The following RSPO2 variants were observed in gnomAD, a reference collection of about 807,000 sequenced individuals.
The protein encoded by RSPO2 is R-spondin 2.
Under a neutral mutation model 30.9 loss-of-function variants are expected in RSPO2, and 14 were observed. The observed-to-expected ratio is 0.45, with a 90% CI of 0.30 to 0.71. RSPO2 has a LOEUF of 0.71. RSPO2 is among the 30% of genes least tolerant of loss of function. The pLI, the probability that RSPO2 is intolerant of heterozygous loss-of-function variation, is 0.08. For synonymous variants in RSPO2, 107 were observed against 96.4 expected (o/e 1.11, Z -0.64); for missense variants, 264 against 301.9 (o/e 0.87, Z 0.93).
In RSPO2 at chr8:107,989,398, T is replaced by G. The variant is rs3739243; in HGVS notation, c.95-154A>C. The G allele has an allele frequency of 0.23, 126,409 of 546,264 alleles. 15,444 individuals are homozygous for G. Among genetic ancestry groups the G allele is most frequent in the African/African-American group, 0.29 (14,563 of 50,268 alleles). 33.8% of individuals were successfully genotyped at this position (546,264 alleles called of 1,614,324 possible). A position where few individuals can be genotyped will look rare whatever the true frequency, so the allele number is the denominator to read the frequency against. ...CCCTCCCCTTCTTCCCTCTACCTCCTCCACCCAAAAAGTTGTTAATACACA... is the reference window on the plus strand; with the variant it reads ...CCCTCCCCTTCTTCCCTCTACCTCCGCCACCCAAAAAGTTGTTAATACACA... On this transcript the variant is annotated intron_variant, in intron 2 of 5. Transcript: ENST00000276659.
intron 2 of RSPO2, among the ~76,000 whole-genome samples, chr8:108,031,640 T>C (rs1461882592): frequency 2.0e-5 from 3 of 152,044 alleles, no homozygotes; most frequent in Non-Finnish European, 2.9e-5. Flanking sequence ...CAACCAAAAA[T>C]GAATAGATTA....
At chr8:107,983,061 C>T in intron 3 of RSPO2, 1 of 1,244,874 alleles carries the variant, frequency 8.0e-7, no homozygotes, top group African/African-American at 1.5e-5. Flanking sequence ...CAGTCCCCTC[C>T]ATGTTCCCTG....
intron 5 of RSPO2, among the ~76,000 whole-genome samples, chr8:107,924,822 GCACACACACA>G (rs59249399): frequency 8.8e-5 from 13 of 148,402 alleles, no homozygotes; most frequent in Admixed American, 3.4e-4. Flanking sequence ...CACCTAACAT[GCACACACACA>G]CACACACACA....
At chr8:108,046,122 G>T (rs1260226404) in intron 2 of RSPO2, among the ~76,000 whole-genome samples, 1 of 152,146 alleles carries the variant, frequency 6.6e-6, no homozygotes. Context: ...CTTGAATAAG[G>T]CTTGCCCGCA....
At chr8:108,060,659 A>G (rs889372725) in intron 2 of RSPO2, among the ~76,000 whole-genome samples, 2 of 151,848 alleles carry the variant, frequency 1.3e-5, no homozygotes, top group South Asian at 2.1e-4. Flanking sequence ...GCAGGCCAAC[A>G]TTCAAATTCA....
intron 2 of RSPO2, among the ~76,000 whole-genome samples, chr8:108,057,008 G>T (rs935047097): frequency 1.8e-4 from 21 of 114,702 alleles, no homozygotes; most frequent in Non-Finnish European, 3.1e-4. Flanking sequence ...AGTGAGTCGA[G>T]ATCACACCAC....
At chr8:107,915,395 G>A (rs760468162) in intron 5 of RSPO2, among the ~76,000 whole-genome samples, 25 of 152,104 alleles carry the variant, frequency 1.6e-4, no homozygotes, top group Non-Finnish European at 1.8e-4. Flanking sequence ...CCGTGGTGGG[G>A]TGTCTGTCTT....
intron 2 of RSPO2, among the ~76,000 whole-genome samples, chr8:108,045,439 A>G (rs2130666121): frequency 6.6e-6 from 1 of 152,260 alleles, no homozygotes; most frequent in East Asian, 1.9e-4. Flanking sequence ...AAGAAATAAC[A>G]TTAATGTTTT....
At chr8:107,916,241 T>C (rs2348087) in intron 5 of RSPO2, among the ~76,000 whole-genome samples, 14,703 of 152,242 alleles carry the variant, frequency 0.097, 833 homozygotes, top group East Asian at 0.18. Flanking sequence ...ATTTGCTAAA[T>C]GCTTTGTCAT....
chr8:107,948,391 A>G (rs775357437), intron 5 of RSPO2, among the ~76,000 whole-genome samples: 1 of 152,192 alleles, frequency 6.6e-6, no homozygotes, highest in Non-Finnish European at 1.5e-5. Flanking sequence ...CCTGTAACAT[A>G]TTTTTTAAAA....
At chr8:107,939,584 G>A (rs1812827904) in intron 5 of RSPO2, among the ~76,000 whole-genome samples, 11 of 150,904 alleles carry the variant, frequency 7.3e-5, no homozygotes, top group Admixed American at 7.3e-4. Context: ...CAAGAGCACA[G>A]CTCGAATTGC....
chr8:108,001,177 G>C (rs998017632), intron 2 of RSPO2, among the ~76,000 whole-genome samples: 1 of 152,136 alleles, frequency 6.6e-6, no homozygotes, highest in Non-Finnish European at 1.5e-5. Context: ...GGGCGACAGA[G>C]CGAGACTCCG....
intron 2 of RSPO2, among the ~76,000 whole-genome samples, chr8:108,077,909 C>A (rs1287723631): frequency 6.6e-6 from 1 of 152,128 alleles, no homozygotes; most frequent in Non-Finnish European, 1.5e-5. Context: ...AGTTATCAAG[C>A]TTATATCAAA....
intron 3 of RSPO2, among the ~76,000 whole-genome samples, chr8:107,966,970 T>C (rs1461568084): frequency 6.6e-6 from 1 of 152,200 alleles, no homozygotes; most frequent in Non-Finnish European, 1.5e-5. Context: ...TCAGACTGCC[T>C]TAGCACACCA....
At chr8:108,059,090 A>C (rs1482884475) in intron 2 of RSPO2, among the ~76,000 whole-genome samples, 2 of 151,886 alleles carry the variant, frequency 1.3e-5, no homozygotes, top group Non-Finnish European at 2.9e-5. Context: ...AAATTTTTGC[A>C]ACCTACTCAT....
Position 107,970,759 on chromosome 8 carries a change from G to C in RSPO2, c.284-9942C>G, listed in dbSNP as rs543631780. Among the ~76,000 whole-genome samples the C allele has an allele frequency of 4.6e-5, 7 of 152,314 alleles. No homozygotes were observed. In the South Asian group the frequency reaches 1.5e-3, roughly 32 times the overall value. The stretch of plus-strand genomic sequence containing the variant: ...CTTGCTGTGGCACTGACTTTTGAAC[G>C]AAGTTGCTGGTTGGAAAGGAAGGAA... On this transcript the variant is annotated intron_variant, in intron 3 of 5. Coordinates refer to ENST00000276659, the MANE Select transcript of RSPO2 (RefSeq NM_178565.5).
chr8:107,976,368 T>C (rs1363946017), intron 3 of RSPO2, among the ~76,000 whole-genome samples: 2 of 152,230 alleles, frequency 1.3e-5, no homozygotes, highest in Non-Finnish European at 2.9e-5. Context: ...CCATACTGTG[T>C]GTCCTTTGGG....
intron 2 of RSPO2, among the ~76,000 whole-genome samples, chr8:108,057,694 GA>G (rs1295714275): frequency 2.0e-5 from 3 of 151,924 alleles, no homozygotes; most frequent in African/African-American, 2.4e-5. Flanking sequence ...AGGTAGAAGA[GA>G]AAAAAAATCC....
rs190110401 is a variant in RSPO2, at chr8:107,918,514, G to T, written c.617-17324C>A. ...CTTGTCTGTACAGTCCCTGTACAAGGTTCCTGACCTGTGGTAACTAAAGAA... is the reference window on the plus strand; with the variant it reads ...CTTGTCTGTACAGTCCCTGTACAAGTTTCCTGACCTGTGGTAACTAAAGAA... On this transcript the variant is annotated intron_variant, in intron 5 of 5. Transcript: ENST00000276659. Among the ~76,000 whole-genome samples, 512 of 152,196 alleles carry T rather than the reference G, an allele frequency of 3.4e-3. 19 individuals are homozygous for T. In the South Asian group the frequency reaches 0.085, roughly 25 times the overall value.
Sources: gnomAD v4.1 joint callset for allele counts (sites outside exome capture counted in the v4.1 genomes callset) on GRCh38, gnomAD v4.1.1 for gene constraint, MANE v1.5 for transcripts, NCBI Gene and HGNC (gene_info 2026-07-23, HGNC 2026-07-21) for gene names.